Variants in BRINP3 observed in about 807,000 individuals in gnomAD.
BRINP3 encodes BMP/retinoic acid-inducible neural-specific protein 3.
BRINP3 carries 19 observed loss-of-function variants against 71.0 expected under a neutral mutation model. The observed-to-expected ratio is 0.27, with a 90% CI of 0.19 to 0.39. The LOEUF (loss-of-function observed/expected upper bound fraction) is 0.39. Among genes scored for constraint, BRINP3 ranks in the 10% least tolerant of loss-of-function variants. The pLI, the probability that BRINP3 is intolerant of heterozygous loss-of-function variation, is 1.00. For missense variants in BRINP3, 959 were observed against 940.8 expected, an observed-to-expected ratio of 1.02 and a Z score of -0.25; for synonymous variants, 380 against 337.7, an observed-to-expected ratio of 1.13 and a Z score of -1.37.
rs1177645401 is a variant in BRINP3 at position 190,216,017 on chromosome 1, CA to C, written c.961+10064del. On this transcript the variant is annotated intron_variant, in intron 6 of 7. Coordinates refer to ENST00000367462, the MANE Select transcript of BRINP3 (RefSeq NM_199051.3). ...TAAGTAATGAAGTTTTTTATTTATC[CA>C]AAAAAAAAAACAACTGGGGATAACT... 3.5e-3 allele frequency among the ~76,000 whole-genome samples: 450 copies of C among 129,576 alleles called. 1 individual carries two copies. The highest frequency in any genetic ancestry group is 4.5e-3 in the African/African-American group (163 of 35,980). 85.0% of individuals were successfully genotyped at this position (129,576 alleles called of 152,430 possible).
intron 6 of BRINP3, among the ~76,000 whole-genome samples, chr1:190,205,325 T>C (rs1655403264): frequency 6.6e-6 from 1 of 151,692 alleles, no homozygotes; most frequent in African/African-American, 2.4e-5. Context: ...CCGCCACACA[T>C]GGAAATATTG....
chr1:190,412,456 G>GTTTTGTTTTGT (rs1672740754), intron 2 of BRINP3, among the ~76,000 whole-genome samples: 3 of 119,370 alleles, frequency 2.5e-5, no homozygotes, highest in South Asian at 2.8e-4. Context: ...GTTTTGTTTT[G>GTTTTGTTTTGT]TTTTTTTTTG....
intron 7 of BRINP3, among the ~76,000 whole-genome samples, chr1:190,115,262 T>C (rs1653034578): frequency 6.6e-6 from 1 of 152,106 alleles, no homozygotes; most frequent in Admixed American, 6.6e-5. Context: ...TAGAGAAGAT[T>C]TTCTTAGATA....
At chr1:190,137,038 A>G (rs542438665) in intron 7 of BRINP3, among the ~76,000 whole-genome samples, 8 of 152,116 alleles carry the variant, frequency 5.3e-5, no homozygotes, top group Non-Finnish European at 1.2e-4. Flanking sequence ...CTGTTCCCCA[A>G]TTTACAGATA....
At chr1:190,194,835 T>C (rs552771537) in intron 6 of BRINP3, among the ~76,000 whole-genome samples, 1 of 152,166 alleles carries the variant, frequency 6.6e-6, no homozygotes, top group African/African-American at 2.4e-5. Flanking sequence ...TAGTAGTAGC[T>C]AACGTCTGAA....
At chr1:190,185,774 C>T (rs1165836473) in intron 6 of BRINP3, among the ~76,000 whole-genome samples, 1 of 151,988 alleles carries the variant, frequency 6.6e-6, no homozygotes, top group Non-Finnish European at 1.5e-5. Flanking sequence ...TAGAGTTACC[C>T]TATCAGGGAT....
chr1:190,441,686 CTCAAA>C (rs1226067297), intron 2 of BRINP3, among the ~76,000 whole-genome samples: 2 of 152,006 alleles, frequency 1.3e-5, no homozygotes, highest in Non-Finnish European at 2.9e-5. Flanking sequence ...TGACAGATTT[CTCAAA>C]TAGGTCAAAT....
intron 2 of BRINP3, among the ~76,000 whole-genome samples, chr1:190,360,714 G>A (rs1243919898): frequency 1.3e-5 from 2 of 151,874 alleles, no homozygotes; most frequent in African/African-American, 4.8e-5. Flanking sequence ...GAAAACATGT[G>A]ACTTGTATTT....
Position 190,264,803 on chromosome 1 carries a change from CT to C in BRINP3, c.618+61del, listed in dbSNP as rs1661508063. The C allele has an allele frequency of 1.6e-5, 23 of 1,395,098 alleles. No individual in the cohort carries two copies. The East Asian group carries it at 5.5e-4, about 33-fold the overall frequency. The allele number at this position is 1,395,098 out of a possible 1,614,324, so 86.4% of individuals were successfully genotyped here. On this transcript the variant is annotated intron_variant, in intron 4 of 7. Coordinates refer to ENST00000367462, the MANE Select transcript of BRINP3 (RefSeq NM_199051.3). ...GGAATAAGCAAATACATAAAAATGC[CT>C]TTTGGATATAGAGGAAACAAACAAT...
At chr1:190,245,167 C>A (rs1176019630) in intron 4 of BRINP3, among the ~76,000 whole-genome samples, 1 of 151,834 alleles carries the variant, frequency 6.6e-6, no homozygotes, top group African/African-American at 2.4e-5. Flanking sequence ...ACTCAACAGA[C>A]TCAAGCATAA....
chr1:190,273,444 G>A (rs907845950), intron 3 of BRINP3, among the ~76,000 whole-genome samples: 1 of 151,512 alleles, frequency 6.6e-6, no homozygotes, highest in African/African-American at 2.4e-5. Context: ...ATAAAAAGAT[G>A]TGATTATTCC....
intron 3 of BRINP3, among the ~76,000 whole-genome samples, chr1:190,268,184 T>G (rs1313707400): frequency 2.0e-5 from 3 of 152,172 alleles, no homozygotes; most frequent in Non-Finnish European, 4.4e-5. Flanking sequence ...GCTGCTATCC[T>G]CTATTACTTA....
chr1:190,219,480 G>T (rs976449311), intron 6 of BRINP3, among the ~76,000 whole-genome samples: 1 of 151,954 alleles, frequency 6.6e-6, no homozygotes, highest in Non-Finnish European at 1.5e-5. Flanking sequence ...TTCATTAGAG[G>T]TCTCAACAGT....
At chr1:190,150,230 T>C (rs1204106361) in intron 7 of BRINP3, among the ~76,000 whole-genome samples, 2 of 151,944 alleles carry the variant, frequency 1.3e-5, no homozygotes, top group East Asian at 1.9e-4. Context: ...TATGTGCATA[T>C]GCCATTTTAA....
At chr1:190,391,137 T>C (rs1421711013) in intron 2 of BRINP3, among the ~76,000 whole-genome samples, 1 of 151,700 alleles carries the variant, frequency 6.6e-6, no homozygotes, top group Non-Finnish European at 1.5e-5. Context: ...TTCCTGGTAA[T>C]GGATCTGTGG....
chr1:190,383,971 C>T (rs1320301347), intron 2 of BRINP3, among the ~76,000 whole-genome samples: 1 of 151,790 alleles, frequency 6.6e-6, no homozygotes, highest in Non-Finnish European at 1.5e-5. Flanking sequence ...TTATAGTTAT[C>T]CCAGTTTTAC....
At chr1:190,311,883 A>G (rs1039997560) in intron 2 of BRINP3, among the ~76,000 whole-genome samples, 1 of 150,486 alleles carries the variant, frequency 6.6e-6, no homozygotes, top group African/African-American at 2.4e-5. Flanking sequence ...ACAACTTATA[A>G]GAATAGTGCC....
intron 2 of BRINP3, among the ~76,000 whole-genome samples, chr1:190,396,449 T>A (rs1423959399): frequency 6.6e-6 from 1 of 150,978 alleles, no homozygotes; most frequent in African/African-American, 2.4e-5. Context: ...CCAGAGTAGG[T>A]TTGAATATTT....
rs548213254 is a variant in BRINP3, at chr1:190,432,237, T to C, written c.236+22418A>G. ...GCTTTCTTACCTAAAAAACAGAAAT[T>C]GCATCTTCAACACAACAGTGCAGTC... is the stretch of plus-strand genomic sequence containing the variant. On this transcript the variant is annotated intron_variant, in intron 2 of 7. Transcript: ENST00000367462. 2.6e-5 allele frequency among the ~76,000 whole-genome samples: 4 copies of C among 152,312 alleles called. No individual in the cohort carries two copies. The East Asian group carries it at 7.7e-4, about 29-fold the overall frequency.
Sources: gnomAD v4.1 joint callset for allele counts (sites outside exome capture counted in the v4.1 genomes callset) on GRCh38, gnomAD v4.1.1 for gene constraint, MANE v1.5 for transcripts, NCBI Gene and HGNC (gene_info 2026-07-23, HGNC 2026-07-21) for gene names.